The following JAZF1 variants were observed in gnomAD, a reference collection of about 807,000 sequenced individuals.
The protein encoded by JAZF1 is JAZF zinc finger 1.
Under a neutral mutation model 26.4 loss-of-function variants are expected in JAZF1, and 8 were observed. That is an observed-to-expected ratio of 0.30 (90% confidence interval 0.18 to 0.55). The LOEUF is 0.55. JAZF1 is among the 20% of genes least tolerant of loss of function. JAZF1 has a pLI of 0.94. For synonymous variants in JAZF1, 126 were observed against 122.3 expected, an observed-to-expected ratio of 1.03 and a Z score of -0.20; for missense variants, 199 against 322.0, an observed-to-expected ratio of 0.62 and a Z score of 2.92.
intron 1 of JAZF1, among the ~76,000 whole-genome samples, chr7:28,112,701 G>A (rs1468354442): frequency 6.6e-6 from 1 of 152,184 alleles, no homozygotes; most frequent in Non-Finnish European, 1.5e-5. Flanking sequence ...AAACAAGAAT[G>A]AATGGTGGGC....
At chr7:27,912,998 C>A (rs192952086) in intron 2 of JAZF1, among the ~76,000 whole-genome samples, 1 of 152,062 alleles carries the variant, frequency 6.6e-6, no homozygotes, top group Non-Finnish European at 1.5e-5. Context: ...GTGTCCGTAT[C>A]GCTCCCTCGG....
Position 28,179,026 on chromosome 7 carries a change from G to C in JAZF1, c.115+1437C>G, listed in dbSNP as rs568516710. Among the ~76,000 whole-genome samples the C allele has an allele frequency of 2.0e-5, 3 of 152,340 alleles. No homozygotes were observed. The South Asian group carries it at 6.2e-4, about 32-fold the overall frequency. On this transcript the variant is annotated intron_variant, in intron 1 of 4. Transcript: ENST00000283928. ...GCACTATACTAAGCAAAGGAGCATA[G>C]GGTTCTGCCTCATTTTATTCCTGCA...
chr7:27,969,799 AT>A (rs34389716), intron 2 of JAZF1, among the ~76,000 whole-genome samples: 56,580 of 152,028 alleles, frequency 0.37, 11,356 homozygotes, highest in Non-Finnish European at 0.44. Context: ...AGGCAAGACA[AT>A]GGAGTTGGAG....
intron 3 of JAZF1, among the ~76,000 whole-genome samples, chr7:27,894,836 T>G (rs564248114): frequency 1.3e-5 from 2 of 152,214 alleles, no homozygotes; most frequent in East Asian, 3.8e-4. Flanking sequence ...TAATAAATTA[T>G]GTTTTCTCTA....
intron 1 of JAZF1, among the ~76,000 whole-genome samples, chr7:28,155,310 C>G (rs930630367): frequency 2.0e-5 from 3 of 152,214 alleles, no homozygotes; most frequent in Non-Finnish European, 4.4e-5. Flanking sequence ...AGATTAAAAC[C>G]TGGCCCACTA....
Position 27,998,837 on chromosome 7 carries a change from G to A in JAZF1, c.116-6856C>T, listed in dbSNP as rs986641147. Among the ~76,000 whole-genome samples, 9 of 152,158 alleles carry A rather than the reference G, an allele frequency of 5.9e-5. No homozygotes were observed. In the East Asian group the frequency reaches 1.2e-3, roughly 20 times the overall value. ...CAATGTTCCATAGCCTAGATCAGCC[G>A]GCTGCTGCAACCTTCCCTATTCCTG... is the stretch of plus-strand genomic sequence containing the variant. On this transcript the variant is annotated intron_variant, in intron 1 of 4. Transcript: ENST00000283928.
chr7:27,983,972 A>G (rs1478692838), intron 2 of JAZF1, among the ~76,000 whole-genome samples: 1 of 152,228 alleles, frequency 6.6e-6, no homozygotes, highest in Non-Finnish European at 1.5e-5. Context: ...GAAAGGAACA[A>G]CCAGTACCAG....
chr7:28,079,656 G>C lies in JAZF1; in HGVS notation c.116-87675C>G, dbSNP rs117008069. ...ATCAATACATGCTTGCTGATGAACT[G>C]AGTAGGAACTTAAGAACTTGGCGCC... On this transcript the variant is annotated intron_variant, in intron 1 of 4. Transcript: ENST00000283928. Among the ~76,000 whole-genome samples the C allele has an allele frequency of 2.2e-3, 330 of 152,310 alleles. 2 individuals carry two copies. Among genetic ancestry groups the C allele is most frequent in the East Asian group, 0.021 (109 of 5,188 alleles).
chr7:28,010,671 T>C (rs954268526), intron 1 of JAZF1, among the ~76,000 whole-genome samples: 1 of 152,206 alleles, frequency 6.6e-6, no homozygotes, highest in African/African-American at 2.4e-5. Flanking sequence ...ATTAAAAAGA[T>C]AGATTACATT....
At chr7:28,001,466 C>T (rs146369289) in intron 1 of JAZF1, among the ~76,000 whole-genome samples, 1 of 152,128 alleles carries the variant, frequency 6.6e-6, no homozygotes, top group Non-Finnish European at 1.5e-5. Flanking sequence ...ACTCTAGAAA[C>T]AAAACATGAC....
intron 1 of JAZF1, among the ~76,000 whole-genome samples, chr7:27,995,066 C>T (rs1464450340): frequency 6.6e-6 from 1 of 152,186 alleles, no homozygotes; most frequent in Non-Finnish European, 1.5e-5. Context: ...TAACACTATT[C>T]ATTAGACATT....
Position 27,830,772 on chromosome 7 carries a change from T to C in JAZF1, c.*2028A>G, listed in dbSNP as rs1302412298. 1 of 201,284 alleles carries C rather than the reference T, an allele frequency of 5.0e-6. No homozygotes were observed. Among genetic ancestry groups the C allele is most frequent in the East Asian group, 7.7e-5 (1 of 12,926 alleles). 12.5% of individuals were successfully genotyped at this position (201,284 alleles called of 1,614,324 possible). A position where few individuals can be genotyped will look rare whatever the true frequency, so the allele number is the denominator to read the frequency against. On this transcript the variant is annotated 3_prime_UTR_variant, in exon 5 of 5. Transcript: ENST00000283928. ...CACAGTTTTCACAGACACAGTACAA[T>C]ACATTCACTATACACAGTATAACAA...
intron 2 of JAZF1, among the ~76,000 whole-genome samples, chr7:27,905,320 C>T (rs988844342): frequency 5.5e-5 from 6 of 109,454 alleles, no homozygotes; most frequent in South Asian, 3.0e-4. Context: ...ATATAGTTCC[C>T]GGTCTTTGGA....
chr7:27,929,955 T>TCTCTCTCTCTCTCCCC (rs1562532101), intron 2 of JAZF1, among the ~76,000 whole-genome samples: 5 of 148,900 alleles, frequency 3.4e-5, no homozygotes, highest in Admixed American at 6.6e-5. Flanking sequence ...TCTCTCTCTC[T>TCTCTCTCTCTCTCCCC]CTCTCCCCCT....
chr7:28,179,857 TGGC>T (rs568494715), intron 1 of JAZF1, among the ~76,000 whole-genome samples: 2 of 141,700 alleles, frequency 1.4e-5, no homozygotes, highest in Non-Finnish European at 1.5e-5. Context: ...CAGGACGCAG[TGGC>T]GGCGGCGGCG....
chr7:27,916,912 G>A (rs1056035310), intron 2 of JAZF1, among the ~76,000 whole-genome samples: 1 of 152,172 alleles, frequency 6.6e-6, no homozygotes, highest in Non-Finnish European at 1.5e-5. Flanking sequence ...TTAGTGAGAA[G>A]GCAAATTTAC....
chr7:28,076,731 T>A (rs1337868672), intron 1 of JAZF1, among the ~76,000 whole-genome samples: 19 of 138,720 alleles, frequency 1.4e-4, no homozygotes, highest in African/African-American at 4.0e-4. Context: ...AAAAAAAAAA[T>A]CCCGTGTGGA....
chr7:28,147,032 A>AT (rs767805465), intron 1 of JAZF1, among the ~76,000 whole-genome samples: 6 of 151,808 alleles, frequency 4.0e-5, no homozygotes, highest in Middle Eastern at 3.4e-3. Flanking sequence ...AATTTGTTGC[A>AT]TTTTTAGTAG....
rs1047373613 is a variant in JAZF1, at chr7:27,832,025, T to C, written c.*775A>G. On this transcript the variant is annotated 3_prime_UTR_variant, in exon 5 of 5. Transcript: ENST00000283928. ...GGGTATCTTGGTCCGCAGATATCAA[T>C]AGGCATAAATTGAATCCCTTGTACC... 3 of 215,928 alleles carry C rather than the reference T, an allele frequency of 1.4e-5. No individual in the cohort carries two copies. Among genetic ancestry groups the C allele is most frequent in the Admixed American group, 5.8e-5 (1 of 17,160 alleles). 13.4% of individuals were successfully genotyped at this position (215,928 alleles called of 1,614,324 possible). A position where few individuals can be genotyped will look rare whatever the true frequency, so the allele number is the denominator to read the frequency against.
Sources: allele counts gnomAD v4.1 joint callset (sites outside exome capture counted in the v4.1 genomes callset), GRCh38; gene constraint gnomAD v4.1.1; transcripts MANE v1.5; gene names NCBI Gene and HGNC (gene_info 2026-07-23, HGNC 2026-07-21).